The following PELI2 variants were observed in gnomAD, a reference collection of about 807,000 sequenced individuals.
The protein encoded by PELI2 is pellino E3 ubiquitin protein ligase family member 2, also known as E3 ubiquitin-protein ligase pellino homolog 2.
Under a neutral mutation model 42.3 loss-of-function variants are expected in PELI2, and 23 were observed. That is an observed-to-expected ratio of 0.54 (90% CI 0.39 to 0.77). The LOEUF is 0.77. Ranked by LOEUF, PELI2 falls within the 30% of genes least tolerant of loss-of-function variation. The pLI is 0.00. For missense variants in PELI2, 463 were observed against 553.2 expected, an observed-to-expected ratio of 0.84 and a Z score of 1.64; for synonymous variants, 245 against 212.2, an observed-to-expected ratio of 1.15 and a Z score of -1.34.
intron 2 of PELI2, among the ~76,000 whole-genome samples, chr14:56,255,275 G>A (rs1389405257): frequency 1.3e-5 from 2 of 152,148 alleles, no homozygotes; most frequent in African/African-American, 2.4e-5. Context: ...AGAAAATGTG[G>A]CACATATACA....
chr14:56,275,584 A>G (rs1354448689), intron 2 of PELI2, among the ~76,000 whole-genome samples: 2 of 152,276 alleles, frequency 1.3e-5, no homozygotes, highest in African/African-American at 4.8e-5. Context: ...GCGCATTCAC[A>G]ATAGGGTTCA....
intron 1 of PELI2, among the ~76,000 whole-genome samples, chr14:56,159,346 C>T (rs556381747): frequency 5.9e-5 from 9 of 152,314 alleles, no homozygotes; most frequent in African/African-American, 2.2e-4. Flanking sequence ...CATGTTCTTC[C>T]TGTGGCCATG....
At chr14:56,255,818 G>A (rs910585879) in intron 2 of PELI2, among the ~76,000 whole-genome samples, 1 of 152,008 alleles carries the variant, frequency 6.6e-6, no homozygotes, top group Non-Finnish European at 1.5e-5. Flanking sequence ...ATTATCCTTG[G>A]CTGGCACCAT....
intron 2 of PELI2, among the ~76,000 whole-genome samples, chr14:56,231,042 C>A (rs898136550): frequency 9.9e-5 from 15 of 152,194 alleles, no homozygotes; most frequent in Non-Finnish European, 1.8e-4. Flanking sequence ...GATCAATTCA[C>A]CAAGAAGAGC....
chr14:56,127,193 G>C (rs1269433933), intron 1 of PELI2, among the ~76,000 whole-genome samples: 1 of 152,150 alleles, frequency 6.6e-6, no homozygotes, highest in Admixed American at 6.5e-5. Context: ...GAATAGCCTA[G>C]CTTACTGAGA....
chr14:56,191,230 C>A (rs1025623760), intron 2 of PELI2, among the ~76,000 whole-genome samples: 2 of 152,214 alleles, frequency 1.3e-5, no homozygotes, highest in Non-Finnish European at 2.9e-5. Flanking sequence ...AATGAATGAG[C>A]AACACCCAGC....
At chr14:56,161,934 G>A (rs1444766385) in intron 1 of PELI2, among the ~76,000 whole-genome samples, 3 of 151,988 alleles carry the variant, frequency 2.0e-5, no homozygotes, top group Admixed American at 6.6e-5. Context: ...TCAAACCTAC[G>A]TACTTTGTAA....
chr14:56,170,616 C>T (rs1052904643), intron 1 of PELI2, among the ~76,000 whole-genome samples: 2 of 152,164 alleles, frequency 1.3e-5, no homozygotes, highest in Non-Finnish European at 2.9e-5. Flanking sequence ...TATCTGTCCA[C>T]TAGGAGTAAT....
chr14:56,173,772 A>T (rs1467180983), intron 1 of PELI2, among the ~76,000 whole-genome samples: 1 of 152,214 alleles, frequency 6.6e-6, no homozygotes, highest in Non-Finnish European at 1.5e-5. Context: ...ACCTCCTACA[A>T]AATCACTTGC....
intron 1 of PELI2, among the ~76,000 whole-genome samples, chr14:56,161,509 G>C (rs754332469): frequency 2.0e-5 from 3 of 152,032 alleles, no homozygotes; most frequent in African/African-American, 7.2e-5. Flanking sequence ...TCTTGACCTC[G>C]CGATCCATCC....
chr14:56,149,638 T>C (rs1325055671), intron 1 of PELI2, among the ~76,000 whole-genome samples: 1 of 152,146 alleles, frequency 6.6e-6, no homozygotes, highest in African/African-American at 2.4e-5. Flanking sequence ...CAGTGTGAAA[T>C]CTTTTTTGTT....
rs149682442 is a variant in PELI2, at chr14:56,297,907, T to G, written c.*741T>G. On this transcript the variant is annotated 3_prime_UTR_variant, in exon 6 of 6. Coordinates refer to ENST00000267460, the MANE Select transcript of PELI2 (RefSeq NM_021255.3). ...CTAATATGATTTGCCCCGATACTCA[T>G]CTTGCACGGCCAGAACTGTTTGGTT... The G allele has an allele frequency of 2.0e-5, 3 of 152,240 alleles. No homozygotes were observed. The highest frequency in any genetic ancestry group is 4.4e-5 in the Non-Finnish European group (3 of 68,004). The allele number at this position is 152,240 out of a possible 1,614,324, so 9.4% of individuals were successfully genotyped here. A position where few individuals can be genotyped will look rare whatever the true frequency, so the allele number is the denominator to read the frequency against.
chr14:56,254,396 CAA>C (rs34029214), intron 2 of PELI2, among the ~76,000 whole-genome samples: 5 of 137,190 alleles, frequency 3.6e-5, no homozygotes, highest in African/African-American at 5.4e-5. Context: ...GACTCCATCT[CAA>C]AAAAAAAAAA....
chr14:56,270,643 A>C (rs368076319), intron 2 of PELI2, among the ~76,000 whole-genome samples: 45 of 152,396 alleles, frequency 3.0e-4, no homozygotes, highest in South Asian at 2.7e-3. Context: ...TATGGACTGC[A>C]GGGAACTGCT....
At chr14:56,177,730 A>G (rs972623261) in intron 1 of PELI2, among the ~76,000 whole-genome samples, 1 of 152,214 alleles carries the variant, frequency 6.6e-6, no homozygotes, top group African/African-American at 2.4e-5. Context: ...TTTGCAAGCT[A>G]ATTTTTGCTA....
intron 2 of PELI2, among the ~76,000 whole-genome samples, chr14:56,264,087 T>C (rs943637680): frequency 6.6e-6 from 1 of 152,228 alleles, no homozygotes; most frequent in Non-Finnish European, 1.5e-5. Flanking sequence ...TTTGTAGATG[T>C]ATGCACGGTG....
chr14:56,185,147 T>TA (rs1226477528), intron 2 of PELI2, among the ~76,000 whole-genome samples: 2 of 152,158 alleles, frequency 1.3e-5, no homozygotes, highest in East Asian at 3.8e-4. Flanking sequence ...ATTATCCTAT[T>TA]ATATGTTTTA....
At chr14:56,172,431 T>C (rs1025360675) in intron 1 of PELI2, among the ~76,000 whole-genome samples, 1 of 152,292 alleles carries the variant, frequency 6.6e-6, no homozygotes, top group East Asian at 1.9e-4. Context: ...AGCAAACCAC[T>C]AGAGCCAGCC....
intron 2 of PELI2, among the ~76,000 whole-genome samples, chr14:56,249,461 CCCA>C (rs1483577927): frequency 1.3e-5 from 2 of 152,206 alleles, no homozygotes. Flanking sequence ...CCTCAGCATC[CCCA>C]CCAAAGACCA....
Sources: gnomAD v4.1 joint callset for allele counts (sites outside exome capture counted in the v4.1 genomes callset) on GRCh38, gnomAD v4.1.1 for gene constraint, MANE v1.5 for transcripts, NCBI Gene and HGNC (gene_info 2026-07-23, HGNC 2026-07-21) for gene names.